SPIDR: variants seen among roughly 807,000 people sequenced by gnomAD.
The protein encoded by SPIDR is scaffold protein involved in DNA repair.
Under a neutral mutation model 104.6 loss-of-function variants are expected in SPIDR, and 93 were observed. That is an observed-to-expected ratio of 0.89 (90% CI 0.75 to 1.06). The LOEUF is 1.06. Among genes scored for constraint, SPIDR ranks in the 50% least tolerant of loss-of-function variants. SPIDR has a pLI of 0.00. For missense variants in SPIDR, 1,154 were observed against 1,111.2 expected, an observed-to-expected ratio of 1.04 and a Z score of -0.55; for synonymous variants, 431 against 416.9, an observed-to-expected ratio of 1.03 and a Z score of -0.41.
At position 47,531,038 on chromosome 8, in the gene SPIDR, G is replaced by A. The variant is rs1300861164; in HGVS notation, c.1098-64773G>A. On this transcript the variant is annotated intron_variant, in intron 8 of 19. Coordinates refer to ENST00000297423, the MANE Select transcript of SPIDR (RefSeq NM_001080394.4). ...CGACCCTCCCACTTAAGCATTCCAA[G>A]TAGTTAGGACTCCAGGCATGCCACC... Among the ~76,000 whole-genome samples, 3 of 151,840 alleles carry A rather than the reference G, an allele frequency of 2.0e-5. No individual in the cohort carries two copies. In the South Asian group the frequency reaches 6.2e-4, roughly 31 times the overall value.
chr8:47,567,502 A>G (rs1554803598), intron 8 of SPIDR, among the ~76,000 whole-genome samples: 1 of 151,908 alleles, frequency 6.6e-6, no homozygotes, highest in Non-Finnish European at 1.5e-5. Context: ...TACAGGTGTG[A>G]GCCACCCCGC....
At chr8:47,277,970 G>C (rs2036897014) in intron 1 of SPIDR, among the ~76,000 whole-genome samples, 1 of 152,072 alleles carries the variant, frequency 6.6e-6, no homozygotes, top group Non-Finnish European at 1.5e-5. Flanking sequence ...ACCGTGCCCA[G>C]CTGTGTTTAA....
At chr8:47,614,715 A>G (rs2064062648) in intron 10 of SPIDR, among the ~76,000 whole-genome samples, 2 of 152,352 alleles carry the variant, frequency 1.3e-5, no homozygotes, top group Admixed American at 6.5e-5. Flanking sequence ...GTGTATACCC[A>G]GTAATGAGAT....
chr8:47,346,959 TCTG>T (rs2052236261), intron 5 of SPIDR, among the ~76,000 whole-genome samples: 1 of 152,214 alleles, frequency 6.6e-6, no homozygotes, highest in Non-Finnish European at 1.5e-5. Context: ...CTCCTTCAGT[TCTG>T]CTCTGATCTT....
intron 8 of SPIDR, among the ~76,000 whole-genome samples, chr8:47,506,112 A>G (rs1288389906): frequency 2.6e-5 from 4 of 152,166 alleles, no homozygotes; most frequent in African/African-American, 9.7e-5. Context: ...ACAAGAGTTG[A>G]GAGCTCAGTT....
chr8:47,409,965 T>C (rs1211382074), intron 7 of SPIDR, among the ~76,000 whole-genome samples: 1 of 152,082 alleles, frequency 6.6e-6, no homozygotes, highest in Non-Finnish European at 1.5e-5. Flanking sequence ...GAGTTCTAGG[T>C]TACAGTGAGC....
chr8:47,718,769 T>C (rs1441762118), intron 16 of SPIDR, among the ~76,000 whole-genome samples: 4 of 152,202 alleles, frequency 2.6e-5, no homozygotes, highest in Admixed American at 2.0e-4. Context: ...AGGATTCTTT[T>C]TTTTTCCCCT....
intron 16 of SPIDR, among the ~76,000 whole-genome samples, chr8:47,718,903 G>T (rs2082969337): frequency 6.6e-6 from 1 of 152,000 alleles, no homozygotes; most frequent in Non-Finnish European, 1.5e-5. Flanking sequence ...GCATACATTA[G>T]CTATTCTTGA....
In SPIDR at chr8:47,700,925, G is replaced by A. The variant is rs544895408; in HGVS notation, c.1773+435G>A. 1.2e-4 allele frequency among the ~76,000 whole-genome samples: 18 copies of A among 152,298 alleles called. No individual in the cohort carries two copies. The South Asian group carries it at 3.7e-3, about 32-fold the overall frequency. ...ATTCGTACAACGTCCTGGGTAGCCA[G>A]GAACTTCCATTGTCCTGCTTGTTTA... is the stretch of plus-strand genomic sequence containing the variant. On this transcript the variant is annotated intron_variant, in intron 12 of 19. Coordinates refer to ENST00000297423, the MANE Select transcript of SPIDR (RefSeq NM_001080394.4).
At chr8:47,652,352 C>G (rs569708031) in intron 10 of SPIDR, among the ~76,000 whole-genome samples, 10 of 152,236 alleles carry the variant, frequency 6.6e-5, no homozygotes, top group Admixed American at 6.5e-4. Flanking sequence ...CACTGCAAAG[C>G]AAAGTCCTAG....
At position 47,685,497 on chromosome 8, in the gene SPIDR, A is replaced by ATTTTTTTTTTTTTTTT; in HGVS notation, c.1685+11559_1685+11560insTTTTTTTTTTTTTTTT. ...AGTGGTTTTATTTATTTATTTATTT[A>ATTTTTTTTTTTTTTTT]TTTATTTATTTATTTATTTATTTTT... is the stretch of plus-strand genomic sequence containing the variant. On this transcript the variant is annotated intron_variant, in intron 11 of 19. Transcript: ENST00000297423. 1.1e-4 allele frequency among the ~76,000 whole-genome samples: 13 copies of ATTTTTTTTTTTTTTTT among 113,126 alleles called. 1 individual carries two copies. Among genetic ancestry groups the ATTTTTTTTTTTTTTTT allele is most frequent in the Non-Finnish European group, 2.6e-4 (12 of 46,864 alleles). 74.2% of individuals were successfully genotyped at this position (113,126 alleles called of 152,430 possible).
At chr8:47,652,538 C>G (rs181687879) in intron 10 of SPIDR, among the ~76,000 whole-genome samples, 1 of 152,280 alleles carries the variant, frequency 6.6e-6, no homozygotes, top group East Asian at 1.9e-4. Flanking sequence ...CTAAAAGTGG[C>G]CATTGTCTGC....
intron 5 of SPIDR, among the ~76,000 whole-genome samples, chr8:47,349,726 C>T (rs782273943): frequency 6.6e-6 from 1 of 152,266 alleles, no homozygotes; most frequent in Admixed American, 6.5e-5. Context: ...CTATCTCGGA[C>T]TGCTGTGCTA....
chr8:47,623,917 A>C (rs541699308), intron 10 of SPIDR, among the ~76,000 whole-genome samples: 3 of 152,332 alleles, frequency 2.0e-5, no homozygotes, highest in East Asian at 1.9e-4. Flanking sequence ...GTCCATCCCA[A>C]ATCAACAGAA....
intron 10 of SPIDR, among the ~76,000 whole-genome samples, chr8:47,652,724 A>G (rs575426564): frequency 3.9e-5 from 6 of 152,376 alleles, no homozygotes; most frequent in African/African-American, 1.4e-4. Context: ...AAAGCCTTGT[A>G]TGTATGCATT....
chr8:47,390,485 TAA>T (rs60465902), intron 5 of SPIDR, among the ~76,000 whole-genome samples: 1 of 143,174 alleles, frequency 7.0e-6, no homozygotes. Flanking sequence ...TGTGTGCTAT[TAA>T]AAAAAAAAAG....
intron 5 of SPIDR, among the ~76,000 whole-genome samples, chr8:47,345,617 T>C (rs2051796504): frequency 6.6e-6 from 1 of 152,250 alleles, no homozygotes; most frequent in Non-Finnish European, 1.5e-5. Flanking sequence ...CTTGCATTTG[T>C]TTGTGTCCTC....
intron 8 of SPIDR, among the ~76,000 whole-genome samples, chr8:47,550,448 G>C (rs1356061182): frequency 6.6e-6 from 1 of 152,166 alleles, no homozygotes; most frequent in Admixed American, 6.5e-5. Context: ...TCATTGAGTA[G>C]TGGTTTGTAG....
chr8:47,325,626 A>G (rs1393772561), intron 5 of SPIDR, among the ~76,000 whole-genome samples: 1 of 152,228 alleles, frequency 6.6e-6, no homozygotes, highest in Non-Finnish European at 1.5e-5. Context: ...CTTGAGTTCC[A>G]AAGCCATGGA....
Sources: gnomAD v4.1 joint callset for allele counts (sites outside exome capture counted in the v4.1 genomes callset) on GRCh38, gnomAD v4.1.1 for gene constraint, MANE v1.5 for transcripts, NCBI Gene and HGNC (gene_info 2026-07-23, HGNC 2026-07-21) for gene names.